Variants in ANKRD26 observed in about 807,000 individuals in gnomAD.
ANKRD26 encodes the protein ankyrin repeat domain-containing protein 26.
In ANKRD26, 141 loss-of-function variants were observed where a neutral mutation model predicts 208.7. That is an observed-to-expected ratio of 0.68 (90% confidence interval 0.59 to 0.78). ANKRD26 has a LOEUF of 0.78. Among genes scored for constraint, ANKRD26 ranks in the 30% least tolerant of loss-of-function variants. The probability of loss-of-function intolerance (pLI) is 0.00; values close to 1 mark genes in which losing one functional copy is unlikely to be tolerated. For synonymous variants in ANKRD26, 636 were observed against 660.4 expected (o/e 0.96, Z 0.57); for missense variants, 1,889 against 1,938.7 (o/e 0.97, Z 0.48).
Position 27,017,749 on chromosome 10 carries a change from C to T in ANKRD26, c.4259G>A (p.Cys1420Tyr), listed in dbSNP as rs146159734. 3,696 of 1,613,164 alleles carry T rather than the reference C, an allele frequency of 2.3e-3. 26 individuals are homozygous for T. The highest frequency in any genetic ancestry group is 0.019 in the Middle Eastern group (117 of 6,042). Residue 1420 changes from cysteine to tyrosine, a missense_variant, in exon 30 of 34, where the codon TGT (cysteine) becomes TAT (tyrosine). Transcript: ENST00000376087. ...TTGGTTCTTTGTATCCAGATGTAGA[C>T]ATTTTGAACCTGCAGTCTCCAGTTC... ...TAELETAGSKCLHLDTKNQIL... is the reference protein window; with the variant it reads ...TAELETAGSKYLHLDTKNQIL...
downstream of ANKRD26, among the ~76,000 whole-genome samples, chr10:26,991,557 C>G (rs555191004): frequency 5.9e-5 from 9 of 152,196 alleles, no homozygotes; most frequent in African/African-American, 9.6e-5. Flanking sequence ...ATTCTCCTGC[C>G]TTAGCCTCCC....
chr10:27,066,915 C>A (rs922476762), intron 10 of ANKRD26, among the ~76,000 whole-genome samples: 1 of 151,766 alleles, frequency 6.6e-6, no homozygotes, highest in African/African-American at 2.4e-5. Flanking sequence ...TCAAGCAATT[C>A]TCTGCCTCAG....
At chr10:27,052,381 T>C (rs1351442193) in intron 16 of ANKRD26, among the ~76,000 whole-genome samples, 1 of 152,156 alleles carries the variant, frequency 6.6e-6, no homozygotes, top group East Asian at 1.9e-4. Flanking sequence ...AATTAGCAGA[T>C]GATTTGTAGC....
intron 4 of ANKRD26, among the ~76,000 whole-genome samples, chr10:27,089,534 A>C (rs147949501): frequency 6.6e-5 from 10 of 152,334 alleles, no homozygotes; most frequent in South Asian, 2.1e-4. Context: ...GCTCATGCCT[A>C]TAATTCCAGC....
In ANKRD26 at chr10:27,043,418, G is replaced by A; in HGVS notation, c.2161+8C>T. 6.2e-7 allele frequency: 1 copy of A among 1,613,586 alleles called. No homozygotes were observed. Among genetic ancestry groups the A allele is most frequent in the Non-Finnish European group, 8.5e-7 (1 of 1,179,702 alleles). ...TAAAAAGGCCTTAAATTTATGCAAT[G>A]GTCCTACCTTTACACTCCATTCCAA... On this transcript the variant is annotated splice_region_variant and intron_variant, in intron 20 of 33. Transcript: ENST00000376087.
intron 5 of ANKRD26, among the ~76,000 whole-genome samples, chr10:26,993,165 C>T (rs1409760648): frequency 6.6e-6 from 1 of 152,196 alleles, no homozygotes; most frequent in African/African-American, 2.4e-5. Flanking sequence ...AGTGAAAAAG[C>T]GTTGCTAGTT....
the ANKRD26 span, among the ~76,000 whole-genome samples, chr10:26,952,435 TAGGTTTTGGGCACCTTTTATCA>T: frequency 0.015 from 2,297 of 152,270 alleles, 40 homozygotes; most frequent in East Asian, 0.069. Context: ...CCCTTTGCTG[TAGGTTTTGGGCACCTTTTATCA>T]AGGTTTTGGG....
chr10:27,048,838 G>A lies in ANKRD26; in HGVS notation c.1777C>T (p.Gln593Ter). 6.2e-7 allele frequency: 1 copy of A among 1,613,168 alleles called. No homozygotes were observed. Among genetic ancestry groups the A allele is most frequent in the East Asian group, 2.2e-5 (1 of 44,702 alleles). ...TTATTTTCCTTCCTGGGAAATTGCT[G>A]ATGATCAGTTTCTCCACTCTTTCTT... Reference protein sequence around the residue: ...QKRKSGETDHQQFPRKENKEY... With the variant: ...QKRKSGETDH Residue 593 changes from glutamine to a stop codon, truncating the protein, a stop_gained, in exon 17 of 34, where the codon CAG becomes TAG. Transcript: ENST00000376087. LOFTEE classifies it high-confidence loss of function.
rs1173065977 is a variant in ANKRD26, at chr10:27,067,203, A to T, written c.1161T>A (p.Asn387Lys). Residue 387 changes from asparagine (N) to lysine (K), a missense_variant, in exon 10 of 34, where the codon AAT (asparagine) becomes AAA (lysine). Transcript: ENST00000376087. ...IESAPLEQTNNDNLTYVDEVH... is the reference protein window; with the variant it reads ...IESAPLEQTNKDNLTYVDEVH... ...CTTCATCAACATAAGTCAAATTGTC[A>T]TTATTTGTTTGCTCTAGTGGAGCAC... 2.5e-6 allele frequency: 4 copies of T among 1,613,720 alleles called. No individual in the cohort carries two copies. Among genetic ancestry groups the T allele is most frequent in the Non-Finnish European group, 3.4e-6 (4 of 1,179,834 alleles).
At chr10:26,981,161 T>C (rs2052302401) in intron 4 of ANKRD26, among the ~76,000 whole-genome samples, 1 of 152,176 alleles carries the variant, frequency 6.6e-6, no homozygotes, top group South Asian at 2.1e-4. Context: ...TCACAGGTAT[T>C]GACTATCTGG....
chr10:27,077,851 T>C (rs2055756476), intron 7 of ANKRD26, among the ~76,000 whole-genome samples, 158 bp from the exon 8 acceptor site: 1 of 152,174 alleles, frequency 6.6e-6, no homozygotes, highest in Non-Finnish European at 1.5e-5. Context: ...TTCTGCCCTT[T>C]GCTACATCTT....
intron 11 of ANKRD26, among the ~76,000 whole-genome samples, chr10:27,065,046 CAG>C (rs2055191419): frequency 6.6e-6 from 1 of 152,140 alleles, no homozygotes; most frequent in African/African-American, 2.4e-5. Context: ...GCCCTCTGCC[CAG>C]AATGCCCTCC....
At chr10:27,010,147 T>C (rs974576359) in intron 32 of ANKRD26, among the ~76,000 whole-genome samples, 11 of 152,186 alleles carry the variant, frequency 7.2e-5, no homozygotes, top group African/African-American at 1.7e-4. Context: ...TTCTATTCTT[T>C]CAAAAAAATT....
chr10:27,063,687 G>A (rs2055144098), intron 12 of ANKRD26, among the ~76,000 whole-genome samples: 2 of 152,022 alleles, frequency 1.3e-5, no homozygotes, highest in South Asian at 4.1e-4. Context: ...TTCACTCCCT[G>A]TACTCTCTGC....
chr10:26,996,565 AAG>A (rs1261655501), intron 4 of ANKRD26, among the ~76,000 whole-genome samples: 1 of 152,178 alleles, frequency 6.6e-6, no homozygotes, highest in African/African-American at 2.4e-5. Flanking sequence ...TCTCAAGAAA[AAG>A]AGTCTTCATT....
intron 15 of ANKRD26, among the ~76,000 whole-genome samples, chr10:27,058,970 A>T (rs986230829): frequency 3.4e-5 from 5 of 149,180 alleles, no homozygotes; most frequent in Non-Finnish European, 3.0e-5. Flanking sequence ...ACTGGAGTGC[A>T]GTGGTGCAAT....
intron 16 of ANKRD26, among the ~76,000 whole-genome samples, chr10:27,052,886 A>G (rs988987972): frequency 6.6e-6 from 1 of 152,166 alleles, no homozygotes; most frequent in East Asian, 1.9e-4. Context: ...GACCAGCAAT[A>G]TAAGAATGTA....
chr10:27,034,732 C>G lies in ANKRD26; in HGVS notation c.3654+64G>C, dbSNP rs914821207. ...TTTATTTTTATAGTTAACTACATAA[C>G]TATATATTATTTTAAATTTTCTTTC... is the stretch of plus-strand genomic sequence containing the variant. On this transcript the variant is annotated intron_variant, in intron 24 of 33. Transcript: ENST00000376087. 6.6e-5 allele frequency: 69 copies of G among 1,047,212 alleles called. No individual in the cohort carries two copies. In the South Asian group the frequency reaches 1.0e-3, roughly 15 times the overall value. 64.9% of individuals were successfully genotyped at this position (1,047,212 alleles called of 1,614,324 possible).
chr10:27,016,843 G>A (rs1039739114), intron 30 of ANKRD26, among the ~76,000 whole-genome samples: 3 of 150,526 alleles, frequency 2.0e-5, no homozygotes, highest in Non-Finnish European at 4.4e-5. Flanking sequence ...TTACTTTTGA[G>A]TTAGTGATTC....
Sources: allele counts gnomAD v4.1 joint callset (sites outside exome capture counted in the v4.1 genomes callset), GRCh38; gene constraint gnomAD v4.1.1; transcripts MANE v1.5; gene names NCBI Gene and HGNC (gene_info 2026-07-23, HGNC 2026-07-21).